Variants in PSMB5 observed in about 807,000 individuals in gnomAD.
PSMB5 encodes proteasome 20S subunit beta 5, also known as proteasome subunit beta type-5.
A neutral mutation model predicts 22.8 loss-of-function variants in PSMB5; 2 were observed. That is an observed-to-expected ratio of 0.09 (90% confidence interval 0.04 to 0.28). The LOEUF (loss-of-function observed/expected upper bound fraction) is 0.28. Ranked by LOEUF, PSMB5 falls within the 10% of genes least tolerant of loss-of-function variation. The pLI, the probability that PSMB5 is intolerant of heterozygous loss-of-function variation, is 1.00. For missense variants in PSMB5, 269 were observed against 343.8 expected (o/e 0.78, Z 1.72); for synonymous variants, 133 against 135.3 (o/e 0.98, Z 0.12).
At position 23,033,435 on chromosome 14, in the gene PSMB5, C is replaced by T; in HGVS notation, c.438G>A (p.Val146=). The part of the protein sequence containing the change: ...AAASKLLANM[V]YQYKGMGLSM... ...ACAGCCCCATGCCTTTGTACTGATACACCATGTTGGCAAGCAGTTTGGAGG... is the reference window on the plus strand; with the variant it reads ...ACAGCCCCATGCCTTTGTACTGATATACCATGTTGGCAAGCAGTTTGGAGG... Residue 146 remains valine, a synonymous_variant, in exon 2 of 3, where the codon GTG becomes GTA. Transcript: ENST00000361611. 6.2e-7 allele frequency: 1 copy of T among 1,614,072 alleles called. No homozygotes were observed. The highest frequency in any genetic ancestry group is 8.5e-7 in the Non-Finnish European group (1 of 1,180,024).
At chr14:23,026,413 G>C (rs747802647) in intron 2 of PSMB5, 38 bp from the exon 3 acceptor site, 1 of 1,571,810 alleles carries the variant, frequency 6.4e-7, no homozygotes, top group Non-Finnish European at 8.6e-7. Context: ...AAAAAAAAAA[G>C]ATCACCCCTT....
intron 2 of PSMB5, among the ~76,000 whole-genome samples, chr14:23,028,218 G>A: frequency 6.6e-6 from 1 of 152,214 alleles, no homozygotes; most frequent in East Asian, 1.9e-4. Flanking sequence ...TTGAGCCCAG[G>A]AGGTTGAGGC....
intron 2 of PSMB5, among the ~76,000 whole-genome samples, chr14:23,028,081 T>C (rs1034913077): frequency 5.3e-5 from 8 of 152,174 alleles, no homozygotes; most frequent in African/African-American, 1.9e-4. Flanking sequence ...AGGTGGAGTT[T>C]GCAGTGAGCC....
intron 2 of PSMB5, among the ~76,000 whole-genome samples, chr14:23,031,290 G>A (rs1014041740): frequency 2.0e-5 from 3 of 152,230 alleles, no homozygotes; most frequent in Non-Finnish European, 4.4e-5. Context: ...CCTGGATCAC[G>A]TAAAATGTAT....
chr14:23,027,017 G>A (rs151243213), intron 2 of PSMB5, among the ~76,000 whole-genome samples: 191 of 151,518 alleles, frequency 1.3e-3, no homozygotes, highest in Middle Eastern at 6.9e-3. Context: ...GGGAGGCAAA[G>A]GTTGCGGTAA....
At position 23,033,546 on chromosome 14, in the gene PSMB5, C is replaced by T. The variant is rs201590523; in HGVS notation, c.327G>A (p.Ala109=). The T allele has an allele frequency of 3.7e-4, 590 of 1,614,176 alleles. 1 individual carries two copies. The highest frequency in any genetic ancestry group is 3.7e-4 in the Non-Finnish European group (437 of 1,180,046). ...YLLGTMAGGA[A]DCSFWERLLA... ...ACAGCCGTTCCCAGAAGCTGCAATC[C>T]GCTGCGCCCCCAGCCATGGTGCCTA... The change falls in exon 2 of 3, where the codon GCG becomes GCA. Residue 109 remains alanine (A), a synonymous_variant. Transcript: ENST00000361611.
Position 23,025,862 on chromosome 14 carries a change from A to AGT in PSMB5, c.*225_*226dup. The AGT allele has an allele frequency of 7.2e-7, 1 of 1,391,380 alleles. No individual in the cohort carries two copies. The highest frequency in any genetic ancestry group is 1.5e-5 in the South Asian group (1 of 65,074). The allele number at this position is 1,391,380 out of a possible 1,614,324, so 86.2% of individuals were successfully genotyped here. Reference sequence around the variant, plus strand: ...GATGCAACACAGGCTGAGATTGAGTAGTGAGTAGTGTAATGTTAACATCCA... The same window carrying AGT: ...GATGCAACACAGGCTGAGATTGAGTAGTGTGAGTAGTGTAATGTTAACATCCA... On this transcript the variant is annotated 3_prime_UTR_variant, in exon 3 of 3. Coordinates refer to ENST00000361611, the MANE Select transcript of PSMB5 (RefSeq NM_002797.5).
intron 2 of PSMB5, 26 bp from the exon 3 acceptor site, chr14:23,026,401 GA>G (rs750434117): frequency 0.016 from 16,118 of 1,013,270 alleles, no homozygotes; most frequent in South Asian, 0.032. Context: ...AGGTTAGCAG[GA>G]AAAAAAAAAA....
chr14:23,026,099 G>A lies in PSMB5; in HGVS notation c.782C>T (p.Ser261Phe), dbSNP rs771877767. Residue 261 changes from serine to phenylalanine, a missense_variant, in exon 3 of 3, where the codon TCT (serine) becomes TTT (phenylalanine). Coordinates refer to ENST00000361611, the MANE Select transcript of PSMB5 (RefSeq NM_002797.5). Reference sequence around the variant, plus strand: ...TGCATCCACCCTCTTTCAGGGGGTAGAGCCACTATACTTCTCATGTAGATC... The same window carrying A: ...TGCATCCACCCTCTTTCAGGGGGTAAAGCCACTATACTTCTCATGTAGATC... ...VADLHEKYSG[S>F]TP The A allele has an allele frequency of 6.2e-7, 1 of 1,614,104 alleles. No homozygotes were observed. Among genetic ancestry groups the A allele is most frequent in the Non-Finnish European group, 8.5e-7 (1 of 1,179,980 alleles).
chr14:23,027,640 G>T, intron 2 of PSMB5: 1 of 728,906 alleles, frequency 1.4e-6, no homozygotes. Flanking sequence ...AGACTGAGAT[G>T]CTGTCTTCAG....
intron 2 of PSMB5, among the ~76,000 whole-genome samples, chr14:23,030,243 A>G (rs188869348): frequency 6.7e-6 from 1 of 149,942 alleles, no homozygotes; most frequent in African/African-American, 2.4e-5. Context: ...CAATCCCAGC[A>G]CTTTGGGAGG....
intron 2 of PSMB5, among the ~76,000 whole-genome samples, chr14:23,027,424 A>AATAT (rs371329531): frequency 0.027 from 3,886 of 143,578 alleles, 114 homozygotes; most frequent in South Asian, 0.055. Flanking sequence ...TAAATAAAAT[A>AATAT]ATATATATAT....
chr14:23,032,759 T>C (rs974183036), intron 2 of PSMB5, among the ~76,000 whole-genome samples: 6 of 141,170 alleles, frequency 4.3e-5, no homozygotes, highest in African/African-American at 8.0e-5. Context: ...CCACCACGCC[T>C]GGCTAATTTT....
At chr14:23,032,086 C>A (rs1217977229) in intron 2 of PSMB5, among the ~76,000 whole-genome samples, 2 of 152,122 alleles carry the variant, frequency 1.3e-5, no homozygotes. Context: ...GAGACTCCAT[C>A]CCCACCCCCT....
chr14:23,032,051 T>G (rs978760769), intron 2 of PSMB5, among the ~76,000 whole-genome samples: 1 of 152,088 alleles, frequency 6.6e-6, no homozygotes, highest in East Asian at 1.9e-4. Context: ...ATCCCGCCGC[T>G]GCACTCCAGT....
chr14:23,035,086 T>A, upstream of PSMB5: 1 of 1,001,008 alleles, frequency 1.0e-6, no homozygotes. Context: ...ATGGCTTCAC[T>A]AACCTTAAAT....
At position 23,025,939 on chromosome 14, in the gene PSMB5, C is replaced by T. The variant is rs2046908873; in HGVS notation, c.*150G>A. On this transcript the variant is annotated 3_prime_UTR_variant, in exon 3 of 3. Transcript: ENST00000361611. ...GCAGCAGCTCATTAATGACTGGTAA[C>T]ACATAGAGGTCAATGTGCCAGAGCT... 1.3e-6 allele frequency: 2 copies of T among 1,481,732 alleles called. No homozygotes were observed. Among genetic ancestry groups the T allele is most frequent in the African/African-American group, 1.4e-5 (1 of 71,146 alleles). The allele number at this position is 1,481,732 out of a possible 1,614,324, so 91.8% of individuals were successfully genotyped here.
chr14:23,030,252 G>A (rs1281501010), intron 2 of PSMB5, among the ~76,000 whole-genome samples: 2 of 151,430 alleles, frequency 1.3e-5, no homozygotes, highest in African/African-American at 4.8e-5. Flanking sequence ...CACTTTGGGA[G>A]GCCGAGGCGG....
chr14:23,029,821 G>T (rs1446761734), intron 2 of PSMB5, among the ~76,000 whole-genome samples: 3 of 150,426 alleles, frequency 2.0e-5, no homozygotes, highest in Non-Finnish European at 4.4e-5. Flanking sequence ...TTGCTCTGTT[G>T]CCCAGTCTGG....
Sources: gnomAD v4.1 joint callset for allele counts (sites outside exome capture counted in the v4.1 genomes callset) on GRCh38, gnomAD v4.1.1 for gene constraint, MANE v1.5 for transcripts, NCBI Gene and HGNC (gene_info 2026-07-23, HGNC 2026-07-21) for gene names.